Variants in KLHL3 observed in about 807,000 individuals in gnomAD.
KLHL3 encodes the protein kelch like family member 3.
In KLHL3, 19 loss-of-function variants were observed where a neutral mutation model predicts 70.5. That is an observed-to-expected ratio of 0.27 (90% CI 0.19 to 0.40). KLHL3 has a LOEUF of 0.40. Ranked by LOEUF, KLHL3 falls within the 10% of genes least tolerant of loss-of-function variation. The probability of loss-of-function intolerance (pLI) is 1.00; values close to 1 mark genes in which losing one functional copy is unlikely to be tolerated. For synonymous variants in KLHL3, 258 were observed against 290.3 expected (o/e 0.89, Z 1.13); for missense variants, 512 against 771.1 (o/e 0.66, Z 3.98).
rs1010604821 is a variant in KLHL3, at chr5:137,705,944, C to T, written c.241+3806G>A. ...GAACACAGCACTACTGGCCTCCCCACTCAAGTTATGCTGAAAGCAGTAAAG... is the reference window on the plus strand; with the variant it reads ...GAACACAGCACTACTGGCCTCCCCATTCAAGTTATGCTGAAAGCAGTAAAG... On this transcript the variant is annotated intron_variant, in intron 3 of 14. Transcript: ENST00000309755. 10 of 897,616 alleles carry T rather than the reference C, an allele frequency of 1.1e-5. No homozygotes were observed. The South Asian group carries it at 3.6e-4, about 32-fold the overall frequency. The allele number at this position is 897,616 out of a possible 1,614,324, so 55.6% of individuals were successfully genotyped here.
At chr5:137,727,463 G>A (rs1753102976) in intron 1 of KLHL3, among the ~76,000 whole-genome samples, 1 of 152,118 alleles carries the variant, frequency 6.6e-6, no homozygotes, top group African/African-American at 2.4e-5. Flanking sequence ...ATTCCTCACT[G>A]CATTCAGAAT....
chr5:137,704,167 T>C lies in KLHL3; in HGVS notation c.241+5583A>G, dbSNP rs372064810. Among the ~76,000 whole-genome samples, 754 of 152,114 alleles carry C rather than the reference T, an allele frequency of 5.0e-3. 5 individuals carry two copies. Among genetic ancestry groups the C allele is most frequent in the African/African-American group, 0.016 (684 of 41,504 alleles). On this transcript the variant is annotated intron_variant, in intron 3 of 14. Transcript: ENST00000309755. ...TTGGGAGGCCGAGGCGGGTGGATCA[T>C]GAGGTCAGGAGATCGAGACCATCCT... is the stretch of plus-strand genomic sequence containing the variant.
chr5:137,710,753 T>C (rs1752777273), intron 2 of KLHL3, among the ~76,000 whole-genome samples: 1 of 152,332 alleles, frequency 6.6e-6, no homozygotes, highest in South Asian at 2.1e-4. Flanking sequence ...TTTATTGAGT[T>C]ATATGTGCCA....
chr5:137,681,010 T>TA lies in KLHL3; in HGVS notation c.527-3357dup, dbSNP rs932450292. Among the ~76,000 whole-genome samples the TA allele has an allele frequency of 6.2e-4, 91 of 147,770 alleles. 1 individual carries two copies. The South Asian group carries it at 6.7e-3, about 11-fold the overall frequency. ...CAATAAAGTGAGGCCCCTCTCTATT[T>TA]AAAAAAAAAAATGTTAAGACATCCT... On this transcript the variant is annotated intron_variant, in intron 5 of 14. Coordinates refer to ENST00000309755, the MANE Select transcript of KLHL3 (RefSeq NM_017415.3).
chr5:137,699,809 T>C (rs933930981), intron 3 of KLHL3, among the ~76,000 whole-genome samples: 1 of 151,974 alleles, frequency 6.6e-6, no homozygotes, highest in African/African-American at 2.4e-5. Flanking sequence ...CCTGGGCAGT[T>C]GTTTTCTCTC....
intron 10 of KLHL3, among the ~76,000 whole-genome samples, chr5:137,637,828 G>A (rs530351750): frequency 5.8e-4 from 88 of 152,306 alleles, no homozygotes; most frequent in Non-Finnish European, 8.5e-4. Context: ...CCAAGTCAAT[G>A]AGACCTAAGC....
At chr5:137,702,711 A>G (rs1327888965) in intron 3 of KLHL3, among the ~76,000 whole-genome samples, 1 of 152,228 alleles carries the variant, frequency 6.6e-6, no homozygotes, top group Non-Finnish European at 1.5e-5. Context: ...AGATTGACCA[A>G]TGAGAAGACT....
chr5:137,663,462 C>CCATATACTTTAAATCATCCTCA (rs1462077396), intron 6 of KLHL3, among the ~76,000 whole-genome samples: 1 of 151,548 alleles, frequency 6.6e-6, no homozygotes, highest in African/African-American at 2.4e-5. Context: ...GCACATCCTC[C>CCATATACTTTAAATCATCCTCA]CATATACTTT....
chr5:137,726,892 A>T (rs1007739646), intron 1 of KLHL3, among the ~76,000 whole-genome samples: 3 of 152,198 alleles, frequency 2.0e-5, no homozygotes, highest in Non-Finnish European at 4.4e-5. Flanking sequence ...TCAGAGTTAA[A>T]TTATAAATAA....
At chr5:137,685,284 A>C (rs1752134343) in intron 5 of KLHL3, among the ~76,000 whole-genome samples, 1 of 152,228 alleles carries the variant, frequency 6.6e-6, no homozygotes, top group Non-Finnish European at 1.5e-5. Context: ...AAAAACTGGA[A>C]ACATTAATGT....
intron 1 of KLHL3, among the ~76,000 whole-genome samples, chr5:137,732,931 C>T (rs535443492): frequency 8.5e-4 from 130 of 152,146 alleles, no homozygotes; most frequent in Non-Finnish European, 1.6e-3. Context: ...GCAGATTCAC[C>T]GCTAGGTCTA....
chr5:137,641,755 C>A (rs746461436), intron 8 of KLHL3, among the ~76,000 whole-genome samples: 6 of 152,116 alleles, frequency 3.9e-5, no homozygotes, highest in African/African-American at 7.2e-5. Flanking sequence ...CAGACTTAGT[C>A]CATAGCTGTC....
At chr5:137,717,072 C>T (rs961235025) in intron 2 of KLHL3, among the ~76,000 whole-genome samples, 1 of 152,226 alleles carries the variant, frequency 6.6e-6, no homozygotes, top group Non-Finnish European at 1.5e-5. Context: ...GATGGCCAAA[C>T]TTTCATTTTG....
intron 3 of KLHL3, among the ~76,000 whole-genome samples, chr5:137,698,686 TAACCAACATTTACTGTA>T (rs1752501476): frequency 6.6e-6 from 1 of 152,228 alleles, no homozygotes; most frequent in African/African-American, 2.4e-5. Flanking sequence ...ATCACTCATT[TAACCAACATTTACTGTA>T]AACTTCCATA....
At chr5:137,731,117 A>G (rs1179996357) in intron 1 of KLHL3, among the ~76,000 whole-genome samples, 1 of 152,240 alleles carries the variant, frequency 6.6e-6, no homozygotes, top group Non-Finnish European at 1.5e-5. Flanking sequence ...TATCTTGTCC[A>G]GATCTGTTTT....
intron 3 of KLHL3, among the ~76,000 whole-genome samples, chr5:137,700,692 C>T (rs1220139311): frequency 6.6e-6 from 1 of 152,046 alleles, no homozygotes; most frequent in Non-Finnish European, 1.5e-5. Context: ...ACATGACCCT[C>T]AAATTTCTAA....
At chr5:137,673,245 T>C (rs1364236813) in intron 6 of KLHL3, among the ~76,000 whole-genome samples, 3 of 152,144 alleles carry the variant, frequency 2.0e-5, no homozygotes, top group African/African-American at 7.2e-5. Flanking sequence ...GAAAATGCTA[T>C]ATAAACTGCA....
chr5:137,725,816 C>A, intron 1 of KLHL3, among the ~76,000 whole-genome samples: 1 of 152,208 alleles, frequency 6.6e-6, no homozygotes, highest in Non-Finnish European at 1.5e-5. Flanking sequence ...GATGAACCCA[C>A]TGCAGTGGAT....
rs142672361 is a variant in KLHL3 at position 137,730,914 on chromosome 5, T to C, written c.14+4719A>G. Among the ~76,000 whole-genome samples the C allele has an allele frequency of 5.7e-3, 868 of 152,242 alleles. 11 individuals are homozygous for C. The highest frequency in any genetic ancestry group is 5.8e-3 in the Non-Finnish European group (392 of 68,012). ...AGTTAGATCTCTGACCTGAGAGGCA[T>C]TGAACTTATTTAACAGAAAAAAAAA... On this transcript the variant is annotated intron_variant, in intron 1 of 14. Transcript: ENST00000309755.
Sources: allele counts gnomAD v4.1 joint callset (sites outside exome capture counted in the v4.1 genomes callset), GRCh38; gene constraint gnomAD v4.1.1; transcripts MANE v1.5; gene names NCBI Gene and HGNC (gene_info 2026-07-23, HGNC 2026-07-21).